Variants in ZEB2 observed in about 807,000 individuals in gnomAD.
The protein encoded by ZEB2 is zinc finger E-box binding homeobox 2, also known as zinc finger E-box-binding homeobox 2.
Under a neutral mutation model 99.9 loss-of-function variants are expected in ZEB2, and 6 were observed. That is an observed-to-expected ratio of 0.06 (90% CI 0.03 to 0.12). The LOEUF (loss-of-function observed/expected upper bound fraction) is 0.12, where lower values mean the gene tolerates loss of function less well. Among genes scored for constraint, ZEB2 ranks in the 10% least tolerant of loss-of-function variants. The probability of loss-of-function intolerance (pLI) is 1.00; values close to 1 mark genes in which losing one functional copy is unlikely to be tolerated. For synonymous variants in ZEB2, 517 were observed against 542.5 expected, an observed-to-expected ratio of 0.95 and a Z score of 0.65; for missense variants, 969 against 1,502.8, an observed-to-expected ratio of 0.64 and a Z score of 5.87.
At chr2:144,393,283 G>A (rs528097779) in intron 9 of ZEB2, among the ~76,000 whole-genome samples, 56 of 152,276 alleles carry the variant, frequency 3.7e-4, no homozygotes, top group Admixed American at 1.0e-3. Flanking sequence ...GAAGCATGAT[G>A]ACTTTGGTAT....
At chr2:144,515,949 A>G (rs1428378035) in intron 2 of ZEB2, 1 of 151,734 alleles carries the variant, frequency 6.6e-6, no homozygotes, top group Non-Finnish European at 1.5e-5. Context: ...GGGCGCGCAC[A>G]ATTGTCTTCT....
intron 1 of ZEB2, chr2:144,518,955 C>T (rs899725129): frequency 6.6e-6 from 1 of 152,160 alleles, no homozygotes; most frequent in Non-Finnish European, 1.5e-5. Context: ...ACTCCTAAGT[C>T]TGGAGTTAGT....
intron 3 of ZEB2, among the ~76,000 whole-genome samples, chr2:144,425,898 T>C (rs1277461436): frequency 6.6e-6 from 1 of 152,196 alleles, no homozygotes; most frequent in Non-Finnish European, 1.5e-5. Flanking sequence ...ACTAGGACTC[T>C]ACGAATTTCC....
chr2:144,432,860 C>A (rs1703791739), intron 2 of ZEB2, among the ~76,000 whole-genome samples: 1 of 152,112 alleles, frequency 6.6e-6, no homozygotes, highest in South Asian at 2.1e-4. Context: ...TGTATAATAA[C>A]CAACGTATAC....
chr2:144,449,798 G>C (rs144325091), intron 2 of ZEB2: 1 of 152,234 alleles, frequency 6.6e-6, no homozygotes, highest in East Asian at 1.9e-4. Flanking sequence ...ATTTGCTAGC[G>C]GTTACCAACT....
intron 2 of ZEB2, among the ~76,000 whole-genome samples, chr2:144,498,295 A>T (rs528061400): frequency 6.7e-6 from 1 of 149,828 alleles, no homozygotes; most frequent in South Asian, 2.1e-4. Context: ...CTCTATTGAC[A>T]TCTGTGATTC....
chr2:144,446,603 T>C (rs544144641), intron 2 of ZEB2, among the ~76,000 whole-genome samples: 2 of 152,332 alleles, frequency 1.3e-5, no homozygotes, highest in Admixed American at 6.5e-5. Flanking sequence ...CTCTTTACTA[T>C]GGGTATTCGT....
At chr2:144,511,614 T>G (rs1374620495) in intron 2 of ZEB2, 2 of 1,286,456 alleles carry the variant, frequency 1.6e-6, no homozygotes, top group Admixed American at 2.3e-5. Context: ...ACAGCCCAAA[T>G]AGTCATTCAA....
At chr2:144,408,438 A>G (rs1703415388) in intron 4 of ZEB2, among the ~76,000 whole-genome samples, 1 of 152,242 alleles carries the variant, frequency 6.6e-6, no homozygotes, top group South Asian at 2.1e-4. Context: ...TAGGGCTCAG[A>G]TAAGTATTCA....
At position 144,395,299 on chromosome 2, in the gene ZEB2, C is replaced by T. The variant is rs1021868960; in HGVS notation, c.3067+1113G>A. On this transcript the variant is annotated intron_variant, in intron 9 of 9. Transcript: ENST00000627532. ...CAGGCGTGAGCTGCTGCGCCTGGCT[C>T]ATATTCCCTTTTCTGTCTTCCTTCT... Among the ~76,000 whole-genome samples, 6 of 152,130 alleles carry T rather than the reference C, an allele frequency of 3.9e-5. No homozygotes were observed. The South Asian group carries it at 8.3e-4, about 21-fold the overall frequency.
chr2:144,501,758 A>T (rs955687057), intron 2 of ZEB2, among the ~76,000 whole-genome samples: 2 of 152,182 alleles, frequency 1.3e-5, no homozygotes, highest in East Asian at 3.8e-4. Flanking sequence ...CTGCCCTATT[A>T]ATATATTAAA....
At chr2:144,482,940 C>A (rs2149915002) in intron 2 of ZEB2, among the ~76,000 whole-genome samples, 1 of 152,100 alleles carries the variant, frequency 6.6e-6, no homozygotes, top group South Asian at 2.1e-4. Flanking sequence ...ATGGAGGGTG[C>A]TTTTAAATAT....
chr2:144,400,297 A>G, intron 7 of ZEB2, 27 bp from the exon 8 acceptor site: 3 of 1,599,150 alleles, frequency 1.9e-6, no homozygotes, highest in Non-Finnish European at 1.7e-6. Flanking sequence ...AATTACCGTT[A>G]CATTTCCTTG....
intron 2 of ZEB2, chr2:144,516,274 C>T (rs1438726201): frequency 6.7e-6 from 1 of 149,740 alleles, no homozygotes; most frequent in East Asian, 2.0e-4. Context: ...CCCCCAGGCG[C>T]CTTCCGCGCT....
At chr2:144,391,968 A>G (rs544148316) in intron 9 of ZEB2, among the ~76,000 whole-genome samples, 13 of 152,374 alleles carry the variant, frequency 8.5e-5, no homozygotes, top group African/African-American at 2.9e-4. Context: ...GACAACTTAT[A>G]TAAAGCATTT....
At chr2:144,485,909 G>A (rs1704588728) in intron 2 of ZEB2, among the ~76,000 whole-genome samples, 1 of 152,160 alleles carries the variant, frequency 6.6e-6, no homozygotes, top group Non-Finnish European at 1.5e-5. Context: ...GTGAGCCACT[G>A]CGCCTGGCCT....
rs147203934 is a variant in ZEB2, at chr2:144,483,150, A to ATGCG, written c.73+34127_73+34128insCGCA. Reference sequence around the variant, plus strand: ...CACACACACACACACACACACACACACACACACACACACATACCCTAAGAC... The same window carrying ATGCG: ...CACACACACACACACACACACACACATGCGCACACACACACACATACCCTAAGAC... On this transcript the variant is annotated intron_variant, in intron 2 of 9. Coordinates refer to ENST00000627532, the MANE Select transcript of ZEB2 (RefSeq NM_014795.4). 5.8e-4 allele frequency among the ~76,000 whole-genome samples: 87 copies of ATGCG among 149,656 alleles called. 1 individual carries two copies. The South Asian group carries it at 0.016, about 28-fold the overall frequency.
chr2:144,400,474 G>A (rs1703295372), intron 7 of ZEB2: 1 of 659,756 alleles, frequency 1.5e-6, no homozygotes, highest in African/African-American at 1.8e-5. Context: ...GATGTTCACA[G>A]TGGAAGGTAA....
chr2:144,411,953 T>TA (rs1337481977), intron 4 of ZEB2, among the ~76,000 whole-genome samples: 1 of 152,300 alleles, frequency 6.6e-6, no homozygotes, highest in Non-Finnish European at 1.5e-5. Context: ...CACAGAATGA[T>TA]AGAGTCCATT....
Sources: gnomAD v4.1 joint callset for allele counts (sites outside exome capture counted in the v4.1 genomes callset) on GRCh38, gnomAD v4.1.1 for gene constraint, MANE v1.5 for transcripts, NCBI Gene and HGNC (gene_info 2026-07-23, HGNC 2026-07-21) for gene names.